The following PAPOLA variants were observed in gnomAD, a reference collection of about 807,000 sequenced individuals.
PAPOLA encodes polynucleotide adenylyltransferase alpha.
Under a neutral mutation model 100.6 loss-of-function variants are expected in PAPOLA, and 15 were observed. The observed-to-expected ratio is 0.15, with a 90% CI of 0.10 to 0.23. The LOEUF is 0.23. Among genes scored for constraint, PAPOLA ranks in the 10% least tolerant of loss-of-function variants. The pLI, the probability that PAPOLA is intolerant of heterozygous loss-of-function variation, is 1.00. For synonymous variants in PAPOLA, 293 were observed against 300.0 expected (o/e 0.98, Z 0.24); for missense variants, 533 against 884.2 (o/e 0.60, Z 5.04).
At chr14:96,513,984 A>G (rs1386163457) in intron 1 of PAPOLA, among the ~76,000 whole-genome samples, 2 of 152,052 alleles carry the variant, frequency 1.3e-5, no homozygotes, top group Non-Finnish European at 2.9e-5. Flanking sequence ...CTTTTTAAAT[A>G]TTTCTGAAAT....
chr14:96,521,083 T>A lies in PAPOLA; in HGVS notation c.249+11T>A, dbSNP rs1214793064. On this transcript the variant is annotated intron_variant, in intron 3 of 21. Coordinates refer to ENST00000216277, the MANE Select transcript of PAPOLA (RefSeq NM_032632.5). ...ATCAGTGAAAGCAAGGTAAGGCAAC[T>A]TTTTTGTATATGAAATAATTTCATA... The A allele has an allele frequency of 2.9e-6, 4 of 1,373,116 alleles. No homozygotes were observed. The highest frequency in any genetic ancestry group is 4.1e-6 in the Non-Finnish European group (4 of 963,948). 85.1% of individuals were successfully genotyped at this position (1,373,116 alleles called of 1,614,324 possible).
intron 1 of PAPOLA, among the ~76,000 whole-genome samples, chr14:96,510,170 A>C (rs943350394): frequency 1.3e-5 from 2 of 151,866 alleles, no homozygotes; most frequent in Admixed American, 6.6e-5. Flanking sequence ...CTTGGATTTT[A>C]CGGCAGTTTT....
chr14:96,522,112 C>CTTTTTTTTTTTTTTTTT (rs1350167869), intron 3 of PAPOLA, among the ~76,000 whole-genome samples: 10 of 98,712 alleles, frequency 1.0e-4, no homozygotes, highest in East Asian at 2.5e-4. Context: ...CTCTTTCTTT[C>CTTTTTTTTTTTTTTTTT]TTTCTTTTTT....
intron 18 of PAPOLA, 39 bp downstream of exon 18, chr14:96,555,986 A>G (rs1901289501): frequency 1.4e-6 from 2 of 1,388,988 alleles, no homozygotes. Flanking sequence ...GAATTCTTAC[A>G]TTATATTTGG....
intron 16 of PAPOLA, among the ~76,000 whole-genome samples, 184 bp from the exon 17 acceptor site, chr14:96,552,296 C>G (rs1900905753): frequency 6.6e-6 from 1 of 152,138 alleles, no homozygotes; most frequent in Admixed American, 6.5e-5. Flanking sequence ...TTGATGCCTT[C>G]TTAGAAGAAA....
rs529076607 is a variant in PAPOLA, at chr14:96,535,591, ACAT to A, written c.910-285_910-283del. 3,976 of 1,054,854 alleles carry A rather than the reference ACAT, an allele frequency of 3.8e-3. 11 individuals are homozygous for A. Among genetic ancestry groups the A allele is most frequent in the Non-Finnish European group, 4.3e-3 (3,728 of 874,808 alleles). 65.3% of individuals were successfully genotyped at this position (1,054,854 alleles called of 1,614,324 possible). On this transcript the variant is annotated intron_variant, in intron 10 of 21. Transcript: ENST00000216277. The stretch of plus-strand genomic sequence containing the variant: ...CTGTTGTTGAATAAAGAAAAACTAA[ACAT>A]CAATAGATTCCCAAGCAGAACTTTT...
chr14:96,515,444 G>T (rs554225615), intron 1 of PAPOLA, among the ~76,000 whole-genome samples: 1 of 152,154 alleles, frequency 6.6e-6, no homozygotes, highest in Non-Finnish European at 1.5e-5. Context: ...GAATGCTTTA[G>T]TCATAATATT....
In PAPOLA at chr14:96,521,034, C is replaced by A; in HGVS notation, c.211C>A (p.Leu71Met). The change falls in exon 3 of 22, where the codon CTG (leucine) becomes ATG (methionine). Residue 71 changes from leucine to methionine, a missense_variant. By Grantham distance (15) the Leu-to-Met change is conservative. Around this residue, in one of 9 missense-constraint regions of PAPOLA, gnomAD observed 54 missense variants for 133.2 expected, o/e 0.41. Coordinates refer to ENST00000216277, the MANE Select transcript of PAPOLA (RefSeq NM_032632.5). ...TTTAATTTTGGGAAAACTAAATAAC[C>A]TGGTAAAAGAGTGGATACGAGAAAT... ...RILILGKLNN[L>M]VKEWIREISE... is the part of the protein sequence containing the mutation. The A allele has an allele frequency of 6.4e-7, 1 of 1,557,952 alleles. No homozygotes were observed. The highest frequency in any genetic ancestry group is 8.8e-7 in the Non-Finnish European group (1 of 1,130,294).
At chr14:96,512,616 G>T (rs1897177450) in intron 1 of PAPOLA, among the ~76,000 whole-genome samples, 1 of 152,138 alleles carries the variant, frequency 6.6e-6, no homozygotes. Context: ...TCAGTAGATG[G>T]CAGCTATGAT....
chr14:96,533,235 T>C (rs1899200961), intron 9 of PAPOLA: 1 of 983,852 alleles, frequency 1.0e-6, no homozygotes, highest in African/African-American at 1.7e-5. Flanking sequence ...AAAAGTAGAA[T>C]AAAAGATTAC....
chr14:96,515,047 A>G (rs1447522036), intron 1 of PAPOLA, among the ~76,000 whole-genome samples: 8 of 152,208 alleles, frequency 5.3e-5, no homozygotes, highest in African/African-American at 1.9e-4. Flanking sequence ...TAGTAGTAAT[A>G]TGCATGGTGG....
At chr14:96,531,363 C>T in intron 6 of PAPOLA, 112 bp from the exon 7 acceptor site, 1 of 751,526 alleles carries the variant, frequency 1.3e-6, no homozygotes, top group Non-Finnish European at 2.2e-6. Flanking sequence ...CTCAAGTGTT[C>T]CACCTGCCTC....
intron 1 of PAPOLA, among the ~76,000 whole-genome samples, chr14:96,507,535 A>G (rs1896817469): frequency 2.6e-5 from 4 of 152,104 alleles, no homozygotes; most frequent in Admixed American, 2.6e-4. Flanking sequence ...TCGGCCTCCC[A>G]AAGTGCTGGG....
chr14:96,511,984 A>C (rs558657968), intron 1 of PAPOLA, among the ~76,000 whole-genome samples: 3 of 152,238 alleles, frequency 2.0e-5, no homozygotes, highest in South Asian at 4.1e-4. Context: ...GTTTTTAGCT[A>C]ATAACCAAAA....
rs1350125279 is a variant in PAPOLA, at chr14:96,502,440, G to A, written c.-153G>A. On this transcript the variant is annotated 5_prime_UTR_variant, in exon 1 of 22. Transcript: ENST00000216277. ...TTAGGACGAAGGGGAAGGAGGAGAA[G>A]CGCTTAAAGCGGCGGGAGCGGTGCG... 4 of 708,350 alleles carry A rather than the reference G, an allele frequency of 5.6e-6. No homozygotes were observed. Among genetic ancestry groups the A allele is most frequent in the Non-Finnish European group, 1.0e-5 (4 of 391,472 alleles). 43.9% of individuals were successfully genotyped at this position (708,350 alleles called of 1,614,324 possible).
chr14:96,514,330 C>G (rs777887848), intron 1 of PAPOLA, among the ~76,000 whole-genome samples: 1 of 151,972 alleles, frequency 6.6e-6, no homozygotes, highest in Admixed American at 6.6e-5. Context: ...ACTGCCACCA[C>G]GCCCGGCTAA....
intron 15 of PAPOLA, among the ~76,000 whole-genome samples, chr14:96,545,784 A>G (rs550797367): frequency 2.0e-5 from 3 of 152,046 alleles, no homozygotes; most frequent in Non-Finnish European, 2.9e-5. Flanking sequence ...GATTTTTAGA[A>G]TGTCGTATGT....
In PAPOLA at chr14:96,556,572, T is replaced by G. The variant is rs74086718; in HGVS notation, c.2004+159T>G. Among the ~76,000 whole-genome samples the G allele has an allele frequency of 7.9e-3, 1,200 of 152,334 alleles. 25 individuals are homozygous for G. The highest frequency in any genetic ancestry group is 0.027 in the African/African-American group (1,142 of 41,578). ...TCTGTAGTGCTTTAGTGCTGTAGTTTCTCTTCACCTTTCCCATTCTTCTCA... is the reference window on the plus strand; with the variant it reads ...TCTGTAGTGCTTTAGTGCTGTAGTTGCTCTTCACCTTTCCCATTCTTCTCA... On this transcript the variant is annotated intron_variant, in intron 19 of 21. Coordinates refer to ENST00000216277, the MANE Select transcript of PAPOLA (RefSeq NM_032632.5).
intron 1 of PAPOLA, among the ~76,000 whole-genome samples, chr14:96,507,280 G>GTTTTTTTTTTTTTTTTTTTTTTTTTT (rs71103533): frequency 1.2e-5 from 1 of 80,704 alleles, no homozygotes; most frequent in African/African-American, 5.7e-5. Flanking sequence ...TTGGAAAATA[G>GTTTTTTTTTTTTTTTTTTTTTTTTTT]TTTTTTTTTT....
Sources: allele counts gnomAD v4.1 joint callset (sites outside exome capture counted in the v4.1 genomes callset), GRCh38; gene constraint gnomAD v4.1.1; regional missense constraint gnomAD v4.1.1; transcripts MANE v1.5; gene names NCBI Gene and HGNC (gene_info 2026-07-23, HGNC 2026-07-21).